The following UBAP1 variants were observed in gnomAD, a reference collection of about 807,000 sequenced individuals.
The protein encoded by UBAP1 is ubiquitin associated protein 1.
Under a neutral mutation model 39.0 loss-of-function variants are expected in UBAP1, and 5 were observed. The ratio of observed to expected loss-of-function variants is 0.13; its 90% CI spans 0.07 to 0.27. The LOEUF is 0.27. Ranked by LOEUF, UBAP1 falls within the 10% of genes least tolerant of loss-of-function variation. The probability of loss-of-function intolerance (pLI) is 1.00; values close to 1 mark genes in which losing one functional copy is unlikely to be tolerated. For synonymous variants in UBAP1, 211 were observed against 225.1 expected (o/e 0.94, Z 0.56); for missense variants, 490 against 608.1 (o/e 0.81, Z 2.04).
rs1563919953 is a variant in UBAP1, at chr9:34,241,300, C to G, written c.275C>G (p.Ser92Cys). The change falls in exon 4 of 7, where the codon TCT becomes TGT. Residue 92 changes from serine to cysteine, a missense_variant. Around this residue, in one of 3 missense-constraint regions of UBAP1, gnomAD observed 144 missense variants for 184.4 expected, o/e 0.78. Coordinates refer to ENST00000297661, the MANE Select transcript of UBAP1 (RefSeq NM_016525.5). Reference sequence around the variant, plus strand: ...GCGGAAGCAGAAGCTAAAGTGAATTCTAAGAGTGGCCCAGAGGGCGATAGC... The same window carrying G: ...GCGGAAGCAGAAGCTAAAGTGAATTGTAAGAGTGGCCCAGAGGGCGATAGC... Reference protein sequence around the residue: ...KIAEAEAKVNSKSGPEGDSKM... With the variant: ...KIAEAEAKVNCKSGPEGDSKM... 4 of 1,512,824 alleles carry G rather than the reference C, an allele frequency of 2.6e-6. No individual in the cohort carries two copies. The highest frequency in any genetic ancestry group is 3.5e-6 in the Non-Finnish European group (4 of 1,132,158). 93.7% of individuals were successfully genotyped at this position (1,512,824 alleles called of 1,614,324 possible). A position where few individuals can be genotyped will look rare whatever the true frequency, so the allele number is the denominator to read the frequency against.
chr9:34,184,591 A>C (rs1365664700), intron 1 of UBAP1, among the ~76,000 whole-genome samples: 1 of 140,614 alleles, frequency 7.1e-6, no homozygotes, highest in Non-Finnish European at 1.5e-5. Context: ...AGATCACGCC[A>C]CTGCACTCCA....
At chr9:34,182,589 G>T (rs76171239) in intron 1 of UBAP1, among the ~76,000 whole-genome samples, 3,423 of 150,688 alleles carry the variant, frequency 0.023, 153 homozygotes, top group East Asian at 0.19. Context: ...CAAGCTTTTC[G>T]TGTTCTTTTT....
At chr9:34,181,803 T>A (rs1047565246) in intron 1 of UBAP1, among the ~76,000 whole-genome samples, 1 of 150,166 alleles carries the variant, frequency 6.7e-6, no homozygotes, top group African/African-American at 2.5e-5. Context: ...TTCTTCAGTT[T>A]CTTTCGTTTA....
At chr9:34,246,694 G>A (rs1465616755) in intron 4 of UBAP1, among the ~76,000 whole-genome samples, 5 of 152,204 alleles carry the variant, frequency 3.3e-5, no homozygotes, top group Admixed American at 1.3e-4. Context: ...TTAAAAGGAG[G>A]TTTATGGAAA....
intron 1 of UBAP1, among the ~76,000 whole-genome samples, chr9:34,207,004 C>A (rs1018762710): frequency 2.0e-5 from 3 of 147,582 alleles, no homozygotes; most frequent in East Asian, 2.0e-4. Context: ...CCATTTTCTT[C>A]GGAGATTTTT....
chr9:34,197,681 C>A (rs1347275086), intron 1 of UBAP1, among the ~76,000 whole-genome samples: 1 of 152,096 alleles, frequency 6.6e-6, no homozygotes, highest in Non-Finnish European at 1.5e-5. Flanking sequence ...TCCCCAGTAG[C>A]TGGGGTTACA....
chr9:34,235,568 T>A (rs1253479197), intron 3 of UBAP1, among the ~76,000 whole-genome samples: 1 of 152,180 alleles, frequency 6.6e-6, no homozygotes, highest in African/African-American at 2.4e-5. Context: ...CTCAATCTCC[T>A]GACCTCGTGA....
rs1834371932 is a variant in UBAP1, at chr9:34,249,762, TC to T, written c.1084-16del. ...GGCCCAGGTCTTCTTGCCTTAATCT[TC>T]TTGTTTTTCCACTAGGTCACCCCTC... On this transcript the variant is annotated splice_polypyrimidine_tract_variant and intron_variant, in intron 4 of 6. Coordinates refer to ENST00000297661, the MANE Select transcript of UBAP1 (RefSeq NM_016525.5). 1.2e-6 allele frequency: 2 copies of T among 1,612,372 alleles called. No homozygotes were observed. Among genetic ancestry groups the T allele is most frequent in the East Asian group, 4.5e-5 (2 of 44,820 alleles).
chr9:34,225,586 G>A (rs1408828706), intron 2 of UBAP1, among the ~76,000 whole-genome samples: 1 of 151,700 alleles, frequency 6.6e-6, no homozygotes, highest in African/African-American at 2.4e-5. Context: ...GACCATCCTG[G>A]CTAACATGGT....
At chr9:34,185,021 A>G (rs538694198) in intron 1 of UBAP1, among the ~76,000 whole-genome samples, 9 of 132,312 alleles carry the variant, frequency 6.8e-5, no homozygotes, top group African/African-American at 2.1e-4. Context: ...TGCAACCTCT[A>G]CCTCCCGAGT....
At chr9:34,226,119 G>GTGTGTGTGTGTGTT (rs1833054716) in intron 2 of UBAP1, among the ~76,000 whole-genome samples, 1 of 97,458 alleles carries the variant, frequency 1.0e-5, no homozygotes, top group Admixed American at 1.2e-4. Flanking sequence ...GTGTGTGTGT[G>GTGTGTGTGTGTGTT]TGTGTGTGTG....
At chr9:34,242,180 T>C (rs1189442754) in intron 4 of UBAP1, 72 bp downstream of exon 4, 2 of 1,466,306 alleles carry the variant, frequency 1.4e-6, no homozygotes, top group East Asian at 2.3e-5. Flanking sequence ...TCTTGTTGTT[T>C]GGTTGATTTT....
At chr9:34,247,334 A>G (rs1220230315) in intron 4 of UBAP1, among the ~76,000 whole-genome samples, 3 of 152,212 alleles carry the variant, frequency 2.0e-5, no homozygotes, top group Middle Eastern at 3.2e-3. Flanking sequence ...ATACTTTTAA[A>G]TCATCCATTT....
chr9:34,232,180 A>T (rs2131603960), intron 2 of UBAP1, among the ~76,000 whole-genome samples: 1 of 152,160 alleles, frequency 6.6e-6, no homozygotes, highest in African/African-American at 2.4e-5. Flanking sequence ...TTTTCAGTAG[A>T]GAGGGGGTTT....
chr9:34,195,458 C>T (rs76073826), intron 1 of UBAP1, among the ~76,000 whole-genome samples: 2 of 151,964 alleles, frequency 1.3e-5, no homozygotes, highest in Non-Finnish European at 2.9e-5. Flanking sequence ...TATATTTGGA[C>T]CTGTTCTATT....
intron 1 of UBAP1, among the ~76,000 whole-genome samples, chr9:34,190,586 G>T (rs1159066599): frequency 6.6e-6 from 1 of 151,648 alleles, no homozygotes; most frequent in African/African-American, 2.4e-5. Context: ...CACCATGCCT[G>T]GCAGTTCTTG....
At chr9:34,184,181 G>A (rs1160226273) in intron 1 of UBAP1, among the ~76,000 whole-genome samples, 3 of 152,226 alleles carry the variant, frequency 2.0e-5, no homozygotes, top group South Asian at 4.1e-4. Flanking sequence ...TAACTTGAAG[G>A]TAACAGTAAT....
intron 1 of UBAP1, among the ~76,000 whole-genome samples, chr9:34,184,863 C>T (rs1299071906): frequency 6.6e-6 from 1 of 151,278 alleles, no homozygotes; most frequent in Non-Finnish European, 1.5e-5. Context: ...ACCTCGTGAT[C>T]CTCCCACCTC....
chr9:34,185,167 C>T (rs1270241428), intron 1 of UBAP1, among the ~76,000 whole-genome samples: 1 of 152,074 alleles, frequency 6.6e-6, no homozygotes, highest in Non-Finnish European at 1.5e-5. Flanking sequence ...CTTCGGACCT[C>T]AGGTGATCTG....
Sources: gnomAD v4.1 joint callset for allele counts (sites outside exome capture counted in the v4.1 genomes callset) on GRCh38, gnomAD v4.1.1 for gene constraint, gnomAD v4.1.1 regional missense constraint, MANE v1.5 for transcripts, NCBI Gene and HGNC (gene_info 2026-07-23, HGNC 2026-07-21) for gene names.